The following ST8SIA6 variants were observed in gnomAD, a reference collection of about 807,000 sequenced individuals.
ST8SIA6 encodes alpha-2,8-sialyltransferase 8F.
A neutral mutation model predicts 33.6 loss-of-function variants in ST8SIA6; 39 were observed. That is an observed-to-expected ratio of 1.16 (90% CI 0.90 to 1.52). The LOEUF is 1.52. Among genes scored for constraint, ST8SIA6 ranks in the 40% most tolerant of loss-of-function variants. ST8SIA6 has a pLI of 0.00. For missense variants in ST8SIA6, 441 were observed against 443.8 expected (o/e 0.99, Z 0.06); for synonymous variants, 172 against 167.2 (o/e 1.03, Z -0.22).
At chr10:17,354,681 T>C (rs17140695) in intron 4 of ST8SIA6, among the ~76,000 whole-genome samples, 24,338 of 152,132 alleles carry the variant, frequency 0.16, 2,041 homozygotes, top group South Asian at 0.19. Flanking sequence ...ATGCTTGGGA[T>C]AACCATGCCA....
intron 4 of ST8SIA6, among the ~76,000 whole-genome samples, chr10:17,338,957 G>C (rs1286784080): frequency 6.6e-6 from 1 of 152,156 alleles, no homozygotes; most frequent in Non-Finnish European, 1.5e-5. Context: ...TCAAGGAGTA[G>C]GTTGGTTCTG....
At chr10:17,378,926 A>G (rs371928321) in intron 3 of ST8SIA6, among the ~76,000 whole-genome samples, 1 of 152,224 alleles carries the variant, frequency 6.6e-6, no homozygotes, top group South Asian at 2.1e-4. Context: ...GGAGATCAAG[A>G]CCATCCTGGC....
At chr10:17,410,175 A>T (rs1851406860) in intron 2 of ST8SIA6, 1 of 152,234 alleles carries the variant, frequency 6.6e-6, no homozygotes, top group South Asian at 2.1e-4. Flanking sequence ...GCTGAGTGTC[A>T]TCAGAACAAA....
intron 6 of ST8SIA6, among the ~76,000 whole-genome samples, chr10:17,323,487 C>A (rs144043001): frequency 6.7e-6 from 1 of 148,634 alleles, no homozygotes; most frequent in African/African-American, 2.5e-5. Context: ...CTCCGCCTCT[C>A]GGATTCAAGC....
rs1848158692 is a variant in ST8SIA6, at chr10:17,327,120, G to T, written c.529C>A (p.Pro177Thr). The T allele has an allele frequency of 6.3e-7, 1 of 1,593,960 alleles. No homozygotes were observed. Among genetic ancestry groups the T allele is most frequent in the Non-Finnish European group, 8.5e-7 (1 of 1,172,536 alleles). Residue 177 changes from proline to threonine, a missense_variant, in exon 6 of 8, where the codon CCT (proline) becomes ACT (threonine). Coordinates refer to ENST00000377602, the MANE Select transcript of ST8SIA6 (RefSeq NM_001004470.3). ...TGATTATAAGGGTAGTCCACAAAAGGCTGGGACTAGCAGGAGAAAGTGGAA... is the reference window on the plus strand; with the variant it reads ...TGATTATAAGGGTAGTCCACAAAAGTCTGGGACTAGCAGGAGAAAGTGGAA... Reference protein sequence around the residue: ...NIFHMFPVSQPFVDYPYNQCA... With the variant: ...NIFHMFPVSQTFVDYPYNQCA...
intron 5 of ST8SIA6, among the ~76,000 whole-genome samples, chr10:17,329,393 G>C (rs45493200): frequency 0.016 from 2,430 of 151,126 alleles, 25 homozygotes; most frequent in Non-Finnish European, 0.022. Context: ...CAATTCCATG[G>C]ATTAAAATGA....
chr10:17,338,084 G>T (rs919893050), intron 4 of ST8SIA6, among the ~76,000 whole-genome samples: 1 of 149,162 alleles, frequency 6.7e-6, no homozygotes, highest in Admixed American at 6.7e-5. Flanking sequence ...TCCCAGGCTG[G>T]AGTGCAATGG....
intron 4 of ST8SIA6, among the ~76,000 whole-genome samples, chr10:17,333,588 C>T (rs1334050995): frequency 2.0e-5 from 3 of 147,620 alleles, no homozygotes; most frequent in Non-Finnish European, 4.5e-5. Context: ...AATAACACCA[C>T]ACATCTACAA....
chr10:17,320,668 G>C lies in ST8SIA6; in HGVS notation c.*210C>G, dbSNP rs1174752456. On this transcript the variant is annotated 3_prime_UTR_variant, in exon 8 of 8. Coordinates refer to ENST00000377602, the MANE Select transcript of ST8SIA6 (RefSeq NM_001004470.3). ...AAATTATAAAAATTTGTATGAGTCA[G>C]ATATGGTGTCCATGTTATAAGGAGA... 2.3e-6 allele frequency: 1 copy of C among 438,420 alleles called. No homozygotes were observed. The highest frequency in any genetic ancestry group is 3.1e-5 in the East Asian group (1 of 32,616). The allele number at this position is 438,420 out of a possible 1,614,324, so 27.2% of individuals were successfully genotyped here. A position where few individuals can be genotyped will look rare whatever the true frequency, so the allele number is the denominator to read the frequency against.
chr10:17,329,037 G>A (rs1190205840), intron 5 of ST8SIA6, among the ~76,000 whole-genome samples: 4 of 152,110 alleles, frequency 2.6e-5, no homozygotes, highest in African/African-American at 7.2e-5. Flanking sequence ...TGAGCAGTCC[G>A]GAGTGACAGA....
chr10:17,318,396 T>C lies in ST8SIA6; in HGVS notation c.*2482A>G. 3.6e-6 allele frequency: 1 copy of C among 280,752 alleles called. No individual in the cohort carries two copies. The highest frequency in any genetic ancestry group is 3.7e-5 in the South Asian group (1 of 26,824). The allele number at this position is 280,752 out of a possible 1,614,324, so 17.4% of individuals were successfully genotyped here. On this transcript the variant is annotated 3_prime_UTR_variant, in exon 8 of 8. Transcript: ENST00000377602. Reference sequence around the variant, plus strand: ...ATGCTCAGCTAATTTTTTTGTTTTTTGTAGAGAAGGGTACTCACTATGTTG... The same window carrying C: ...ATGCTCAGCTAATTTTTTTGTTTTTCGTAGAGAAGGGTACTCACTATGTTG...
In ST8SIA6 at chr10:17,359,842, C is replaced by T. The variant is rs146887437; in HGVS notation, c.291-242G>A. ...ATAAGCCAAGTGTAGTATTAAAAACCGTGACAACACACCAACTTGCATATG... is the reference window on the plus strand; with the variant it reads ...ATAAGCCAAGTGTAGTATTAAAAACTGTGACAACACACCAACTTGCATATG... On this transcript the variant is annotated intron_variant, in intron 3 of 7. Transcript: ENST00000377602. 9.6e-4 allele frequency among the ~76,000 whole-genome samples: 146 copies of T among 152,032 alleles called. 6 individuals carry two copies. In the East Asian group the frequency reaches 0.027, roughly 28 times the overall value.
intron 2 of ST8SIA6, among the ~76,000 whole-genome samples, chr10:17,430,998 A>G (rs1852085198): frequency 6.6e-6 from 1 of 152,198 alleles, no homozygotes. Context: ...CAAGCGAGAC[A>G]TTTATATTTC....
chr10:17,435,241 C>T (rs1852215513), intron 2 of ST8SIA6, among the ~76,000 whole-genome samples: 1 of 152,176 alleles, frequency 6.6e-6, no homozygotes, highest in African/African-American at 2.4e-5. Flanking sequence ...TCCAGGTCTC[C>T]CCAAGGTCCT....
chr10:17,366,289 C>G (rs747020071), intron 3 of ST8SIA6, among the ~76,000 whole-genome samples: 1 of 152,184 alleles, frequency 6.6e-6, no homozygotes, highest in African/African-American at 2.4e-5. Context: ...CTTTTATTTT[C>G]TCCATATCTT....
In ST8SIA6 at chr10:17,432,759, TAGTC is replaced by T. The variant is rs1450602773; in HGVS notation, c.200+20796_200+20799del. ...GTGGACGAACTGTAACCTAGCTTAA[TAGTC>T]AGACAAGATTGAAAAGCTAACTTAG... On this transcript the variant is annotated intron_variant, in intron 2 of 7. Transcript: ENST00000377602. Among the ~76,000 whole-genome samples, 3 of 152,326 alleles carry T rather than the reference TAGTC, an allele frequency of 2.0e-5. No individual in the cohort carries two copies. In the East Asian group the frequency reaches 5.8e-4, roughly 29 times the overall value.
At chr10:17,321,786 T>G (rs1173300876) in intron 7 of ST8SIA6, among the ~76,000 whole-genome samples, 1 of 152,188 alleles carries the variant, frequency 6.6e-6, no homozygotes, top group African/African-American at 2.4e-5. Flanking sequence ...TGCACATATT[T>G]CATTATAAGT....
At chr10:17,432,355 G>A (rs1852127099) in intron 2 of ST8SIA6, among the ~76,000 whole-genome samples, 1 of 152,106 alleles carries the variant, frequency 6.6e-6, no homozygotes, top group Admixed American at 6.6e-5. Context: ...ATTCTGGAAG[G>A]GGACACTAGT....
In ST8SIA6 at chr10:17,453,694, C is replaced by A. The variant is rs370019838; in HGVS notation, c.102-37G>T. 7.1e-5 allele frequency: 89 copies of A among 1,261,646 alleles called. No individual in the cohort carries two copies. In the African/African-American group the frequency reaches 1.3e-3, roughly 18 times the overall value. The allele number at this position is 1,261,646 out of a possible 1,614,324, so 78.2% of individuals were successfully genotyped here. On this transcript the variant is annotated intron_variant, in intron 1 of 7. Coordinates refer to ENST00000377602, the MANE Select transcript of ST8SIA6 (RefSeq NM_001004470.3). ...GGGAGAAAACTTAAGTTGCTACACCCCGCCGGGAGCTGTTGGCTGAAAGGC... is the reference window on the plus strand; with the variant it reads ...GGGAGAAAACTTAAGTTGCTACACCACGCCGGGAGCTGTTGGCTGAAAGGC...
Sources: gnomAD v4.1 joint callset for allele counts (sites outside exome capture counted in the v4.1 genomes callset) on GRCh38, gnomAD v4.1.1 for gene constraint, MANE v1.5 for transcripts, NCBI Gene and HGNC (gene_info 2026-07-23, HGNC 2026-07-21) for gene names.